EYS: variants seen among roughly 807,000 people sequenced by gnomAD.
EYS encodes protein eyes shut homolog.
In EYS, 250 loss-of-function variants were observed where a neutral mutation model predicts 282.1. That is an observed-to-expected ratio of 0.89 (90% CI 0.80 to 0.98). The LOEUF is 0.98. EYS is among the 50% of genes least tolerant of loss of function. The probability of loss-of-function intolerance (pLI) is 0.00; values close to 1 mark genes in which losing one functional copy is unlikely to be tolerated. For missense variants in EYS, 4,016 were observed against 3,709.0 expected (o/e 1.08, Z -2.15); for synonymous variants, 1,355 against 1,282.9 (o/e 1.06, Z -1.20).
intron 2 of EYS, among the ~76,000 whole-genome samples, chr6:65,635,773 G>T (rs944347637): frequency 3.9e-5 from 6 of 152,154 alleles, no homozygotes; most frequent in African/African-American, 1.4e-4. Flanking sequence ...TGAGATATTT[G>T]TTCAGGTTTT....
intron 12 of EYS, among the ~76,000 whole-genome samples, chr6:65,060,905 C>A (rs546651511): frequency 2.4e-4 from 37 of 151,336 alleles, no homozygotes; most frequent in Admixed American, 5.3e-4. Flanking sequence ...TATTAGTGCT[C>A]AAAAACCATT....
At chr6:64,924,273 A>C (rs1768442454) in intron 15 of EYS, among the ~76,000 whole-genome samples, 1 of 152,136 alleles carries the variant, frequency 6.6e-6, no homozygotes, top group Non-Finnish European at 1.5e-5. Context: ...TACTTTGGTC[A>C]CTTTCAGCTA....
intron 31 of EYS, among the ~76,000 whole-genome samples, chr6:64,222,232 A>G (rs1002474743): frequency 2.0e-5 from 3 of 152,056 alleles, no homozygotes; most frequent in Non-Finnish European, 2.9e-5. Flanking sequence ...ATAGTTTTCA[A>G]TTTCATTAAT....
At chr6:63,930,756 G>T (rs1764866807) in intron 35 of EYS, among the ~76,000 whole-genome samples, 1 of 151,992 alleles carries the variant, frequency 6.6e-6, no homozygotes, top group African/African-American at 2.4e-5. Context: ...CTCCAATACT[G>T]CAGGAAAGTG....
intron 2 of EYS, among the ~76,000 whole-genome samples, chr6:65,578,493 A>T (rs977590972): frequency 6.6e-6 from 1 of 151,880 alleles, no homozygotes. Flanking sequence ...ACAAAATTTC[A>T]GTTAGAGAAA....
intron 26 of EYS, among the ~76,000 whole-genome samples, chr6:64,518,342 C>T (rs1270465818): frequency 1.3e-5 from 2 of 151,642 alleles, no homozygotes; most frequent in Non-Finnish European, 2.9e-5. Context: ...GGCTGGTCTC[C>T]GTCATGTAAT....
intron 5 of EYS, among the ~76,000 whole-genome samples, chr6:65,464,724 A>T (rs1469038592): frequency 6.6e-6 from 1 of 152,154 alleles, no homozygotes; most frequent in Admixed American, 6.6e-5. Flanking sequence ...GAGTCTGGAA[A>T]CTTCGGTTTT....
intron 5 of EYS, among the ~76,000 whole-genome samples, chr6:65,456,024 G>T (rs1764594032): frequency 7.7e-6 from 1 of 129,660 alleles, no homozygotes. Flanking sequence ...AAGGAAGGAA[G>T]GAAGGGAAGA....
chr6:65,635,806 T>C (rs781593955), intron 2 of EYS, among the ~76,000 whole-genome samples: 11 of 152,192 alleles, frequency 7.2e-5, no homozygotes, highest in Admixed American at 3.9e-4. Flanking sequence ...CACCTGGACC[T>C]GATTGCTCCT....
At chr6:63,989,163 G>A (rs535994144) in intron 34 of EYS, among the ~76,000 whole-genome samples, 6 of 151,678 alleles carry the variant, frequency 4.0e-5, no homozygotes, top group Non-Finnish European at 7.4e-5. Context: ...TTATCAGAGC[G>A]CACTTGTCTT....
intron 41 of EYS, among the ~76,000 whole-genome samples, chr6:63,732,100 C>T (rs1400380541): frequency 6.6e-6 from 1 of 151,792 alleles, no homozygotes; most frequent in Non-Finnish European, 1.5e-5. Flanking sequence ...GATACTGGGT[C>T]AGTGCAGGAG....
intron 22 of EYS, among the ~76,000 whole-genome samples, chr6:64,680,068 T>A (rs61195539): frequency 0.021 from 3,153 of 152,228 alleles, 77 homozygotes; most frequent in East Asian, 0.11. Context: ...AATTATTTTT[T>A]AAACCTAGAT....
At chr6:64,531,549 G>GTTTACTTTATTTTATTTTATTTTAT (rs1764336116) in intron 26 of EYS, among the ~76,000 whole-genome samples, 1 of 124,088 alleles carries the variant, frequency 8.1e-6, no homozygotes, top group Non-Finnish European at 1.7e-5. Flanking sequence ...ACCACGCCTG[G>GTTTACTTTATTTTATTTTATTTTAT]TTTATTTTAT....
rs1764899891 is a variant in EYS at position 64,821,560 on chromosome 6, GACTCTGAA to G, written c.3243+77_3243+84del. On this transcript the variant is annotated intron_variant, in intron 21 of 42. Coordinates refer to ENST00000503581, the MANE Select transcript of EYS (RefSeq NM_001142800.2). ...AATCATCAACAACTGTGGAAGAAAT[GACTCTGAA>G]ACCTACAGCAAGCAATTTGATTTTT... is the stretch of plus-strand genomic sequence containing the variant. The G allele has an allele frequency of 7.5e-6, 5 of 667,488 alleles. No homozygotes were observed. In the South Asian group the frequency reaches 8.1e-5, roughly 11 times the overall value. 41.3% of individuals were successfully genotyped at this position (667,488 alleles called of 1,614,324 possible).
intron 36 of EYS, among the ~76,000 whole-genome samples, chr6:63,834,254 A>G (rs1771735006): frequency 1.3e-5 from 2 of 152,194 alleles, no homozygotes; most frequent in Admixed American, 6.5e-5. Flanking sequence ...AAAAGAAACT[A>G]CCATGAGAGT....
At chr6:64,810,053 G>GT (rs1459761185) in intron 22 of EYS, among the ~76,000 whole-genome samples, 1 of 152,048 alleles carries the variant, frequency 6.6e-6, no homozygotes, top group African/African-American at 2.4e-5. Context: ...TATACAATAT[G>GT]TAAGCAATAT....
At chr6:65,243,469 TTGGG>T (rs757679159) in intron 12 of EYS, among the ~76,000 whole-genome samples, 1 of 152,072 alleles carries the variant, frequency 6.6e-6, no homozygotes, top group Non-Finnish European at 1.5e-5. Flanking sequence ...TGACGCTTTG[TTGGG>T]TGGGAATGAG....
intron 31 of EYS, among the ~76,000 whole-genome samples, chr6:64,088,180 T>A (rs914870532): frequency 1.3e-5 from 2 of 152,054 alleles, no homozygotes; most frequent in Non-Finnish European, 2.9e-5. Context: ...ACAAGACTAA[T>A]TGGGGTTAGG....
At chr6:64,295,209 C>A (rs961080070) in intron 30 of EYS, among the ~76,000 whole-genome samples, 1 of 148,968 alleles carries the variant, frequency 6.7e-6, no homozygotes, top group South Asian at 2.2e-4. Flanking sequence ...CCCGTCTCTA[C>A]TAAAAATATT....
Sources: gnomAD v4.1 joint callset for allele counts (sites outside exome capture counted in the v4.1 genomes callset) on GRCh38, gnomAD v4.1.1 for gene constraint, MANE v1.5 for transcripts, NCBI Gene and HGNC (gene_info 2026-07-23, HGNC 2026-07-21) for gene names.